ZNHIT3: variants seen among roughly 807,000 people sequenced by gnomAD.
The protein encoded by ZNHIT3 is zinc finger HIT domain-containing protein 3.
ZNHIT3 carries 27 observed loss-of-function variants against 19.9 expected under a neutral mutation model. The ratio of observed to expected loss-of-function variants is 1.36; its 90% CI spans 1.00 to 1.87. The LOEUF is 1.87. ZNHIT3 is among the 40% of genes most tolerant of loss of function. The probability of loss-of-function intolerance (pLI) is 0.00; values close to 1 mark genes in which losing one functional copy is unlikely to be tolerated. For missense variants in ZNHIT3, 215 were observed against 185.6 expected (o/e 1.16, Z -0.92); for synonymous variants, 81 against 65.7 (o/e 1.23, Z -1.13).
In ZNHIT3 at chr17:36,495,242, A is replaced by C. The variant is rs761807671; in HGVS notation, c.306A>C (p.Arg102Ser). The change falls in exon 5 of 5, where the codon AGA becomes AGC. Residue 102 changes from arginine to serine, a missense_variant. Arg to Ser is a moderately radical substitution (Grantham distance 110). Transcript: ENST00000617429. ...TTTTAGGGGAATCTGCAACATTAAG[A>C]AGCTTATTGCTCAATCCACACCTCA... The part of the protein sequence containing the change: ...LKNLGESATL[R>S]SLLLNPHLRQ... 5.3e-5 allele frequency: 84 copies of C among 1,579,026 alleles called. No homozygotes were observed. The highest frequency in any genetic ancestry group is 1.5e-4 in the South Asian group (13 of 85,240).
intron 3 of ZNHIT3, chr17:36,493,136 C>T (rs1055919791): frequency 5.2e-6 from 3 of 574,278 alleles, no homozygotes; most frequent in Non-Finnish European, 9.3e-6. Context: ...ATGAGAAAGG[C>T]CATGGCTGTG....
intron 2 of ZNHIT3, among the ~76,000 whole-genome samples, chr17:36,488,292 C>T (rs2142515874): frequency 6.6e-6 from 1 of 152,044 alleles, no homozygotes; most frequent in African/African-American, 2.4e-5. Context: ...TGCCTGTAAT[C>T]CCAGCACTTT....
intron 2 of ZNHIT3, among the ~76,000 whole-genome samples, 178 bp downstream of exon 2, chr17:36,487,144 C>G (rs768356822): frequency 6.6e-6 from 1 of 152,188 alleles, no homozygotes; most frequent in Middle Eastern, 3.2e-3. Flanking sequence ...GTGTGTCGGA[C>G]AGTTCCCTCT....
chr17:36,493,026 A>G (rs754676356), intron 3 of ZNHIT3, 127 bp downstream of exon 3: 10 of 881,270 alleles, frequency 1.1e-5, no homozygotes, highest in Admixed American at 4.1e-5. Flanking sequence ...CAGCTTCCTT[A>G]GCCTTGAGCA....
At position 36,495,545 on chromosome 17, in the gene ZNHIT3, T is replaced by C. The variant is rs1295630404; in HGVS notation, c.*141T>C. ...ATGCAGATTAGGTCATGCAGGCCTT[T>C]ACCGGCATTGATGTGGCTCATGTTT... is the stretch of plus-strand genomic sequence containing the variant. On this transcript the variant is annotated 3_prime_UTR_variant, in exon 5 of 5. Transcript: ENST00000617429. 5.2e-6 allele frequency: 7 copies of C among 1,339,688 alleles called. No homozygotes were observed. The highest frequency in any genetic ancestry group is 3.0e-5 in the African/African-American group (2 of 66,944). The allele number at this position is 1,339,688 out of a possible 1,614,324, so 83.0% of individuals were successfully genotyped here.
downstream of ZNHIT3, chr17:36,497,658 C>T (rs996699142): frequency 2.1e-6 from 1 of 465,234 alleles, no homozygotes; most frequent in Non-Finnish European, 2.8e-6. Flanking sequence ...AATCTCGGCT[C>T]ACTGCAACCT....
At chr17:36,495,945 T>A, downstream of ZNHIT3, 1 of 997,072 alleles carries the variant, frequency 1.0e-6, no homozygotes, top group Non-Finnish European at 1.3e-6. Context: ...GGATCCCCAG[T>A]GTAGTGACAG....
downstream of ZNHIT3, chr17:36,498,341 C>G (rs1305595880): frequency 6.2e-7 from 1 of 1,613,988 alleles, no homozygotes; most frequent in African/African-American, 1.3e-5. Context: ...TGGGGCTGCC[C>G]CTGGGGAGCT....
At chr17:36,496,081 G>A (rs2070939079), downstream of ZNHIT3, 1 of 946,110 alleles carries the variant, frequency 1.1e-6, no homozygotes, top group South Asian at 1.7e-5. Context: ...TGGAACCCCA[G>A]GCCCACTGAC....
chr17:36,487,091 C>T (rs1029244537), intron 2 of ZNHIT3, 125 bp downstream of exon 2: 31 of 1,311,128 alleles, frequency 2.4e-5, no homozygotes, highest in Non-Finnish European at 3.0e-5. Context: ...TCCGCGGGTT[C>T]TGCAGGAACC....
chr17:36,486,881 G>A, intron 1 of ZNHIT3, 54 bp from the exon 2 acceptor site: 1 of 1,592,104 alleles, frequency 6.3e-7, no homozygotes, highest in Admixed American at 1.8e-5. Flanking sequence ...GCGGGCTGCT[G>A]GAGGGGCCGG....
downstream of ZNHIT3, among the ~76,000 whole-genome samples, chr17:36,497,396 C>A (rs1380813056): frequency 1.3e-5 from 2 of 151,230 alleles, no homozygotes; most frequent in Non-Finnish European, 2.9e-5. Context: ...AAGGAAAAAA[C>A]CAAGCAATAC....
At chr17:36,487,100 C>T (rs1460971481) in intron 2 of ZNHIT3, 134 bp downstream of exon 2, 2 of 1,237,996 alleles carry the variant, frequency 1.6e-6, no homozygotes, top group Admixed American at 2.6e-5. Flanking sequence ...TCTGCAGGAA[C>T]CTTGCTTCCT....
chr17:36,493,979 G>A lies in ZNHIT3; in HGVS notation c.259G>A (p.Val87Ile), dbSNP rs142090580. The A allele has an allele frequency of 3.1e-6, 5 of 1,613,360 alleles. No homozygotes were observed. The highest frequency in any genetic ancestry group is 1.1e-5 in the South Asian group (1 of 91,074). Reference protein sequence around the residue: ...FLNSDEEEDRVSLQNLKNLGE... With the variant: ...FLNSDEEEDRISLQNLKNLGE... ...CAATAGTGATGAGGAAGAAGACAGA[G>A]TTTCTTTGCAGAATTTAAAGAATTT... The change falls in exon 4 of 5, where the codon GTT (valine) becomes ATT (isoleucine). Residue 87 changes from valine (V) to isoleucine (I), a missense_variant. Coordinates refer to ENST00000617429, the MANE Select transcript of ZNHIT3 (RefSeq NM_004773.4).
chr17:36,497,307 A>C (rs1338744002), downstream of ZNHIT3, among the ~76,000 whole-genome samples: 2 of 151,230 alleles, frequency 1.3e-5, no homozygotes, highest in African/African-American at 2.5e-5. Flanking sequence ...CGTCTCAAAA[A>C]ATTAAATAAC....
rs768334714 is a variant in ZNHIT3, at chr17:36,486,706, T to A, written c.7T>A (p.Ser3Thr). 4 of 1,613,842 alleles carry A rather than the reference T, an allele frequency of 2.5e-6. No homozygotes were observed. In the Admixed American group the frequency reaches 6.7e-5, roughly 27 times the overall value. Residue 3 changes from serine (S) to threonine (T), a missense_variant, in exon 1 of 5, where the codon TCG becomes ACG. By Grantham distance (58) the Ser-to-Thr change is moderately conservative. Coordinates refer to ENST00000617429, the MANE Select transcript of ZNHIT3 (RefSeq NM_004773.4). Reference sequence around the variant, plus strand: ...AGTCTCCTTCCACAAAACCATGGCGTCGCTCAAATGTAGCACCGTCGTCTG... The same window carrying A: ...AGTCTCCTTCCACAAAACCATGGCGACGCTCAAATGTAGCACCGTCGTCTG... The part of the protein sequence containing the change: MA[S>T]LKCSTVVCVI...
chr17:36,496,222 A>G, downstream of ZNHIT3: 1 of 1,611,358 alleles, frequency 6.2e-7, no homozygotes. Context: ...GGGCAGGAAA[A>G]GGCCTTGTGG....
chr17:36,494,695 G>A (rs1443678641), intron 4 of ZNHIT3, among the ~76,000 whole-genome samples: 1 of 152,180 alleles, frequency 6.6e-6, no homozygotes, highest in Non-Finnish European at 1.5e-5. Flanking sequence ...TTTACAGACT[G>A]TGAAGTACCA....
downstream of ZNHIT3, chr17:36,498,235 A>C: frequency 6.3e-7 from 1 of 1,590,972 alleles, no homozygotes; most frequent in Non-Finnish European, 8.6e-7. Flanking sequence ...TCTCAGGAAC[A>C]AAGCTGTCAT....
Sources: allele counts gnomAD v4.1 joint callset (sites outside exome capture counted in the v4.1 genomes callset), GRCh38; gene constraint gnomAD v4.1.1; transcripts MANE v1.5; gene names NCBI Gene and HGNC (gene_info 2026-07-23, HGNC 2026-07-21).